The following OR9Q1 variants were observed in gnomAD, a reference collection of about 807,000 sequenced individuals.
OR9Q1 encodes olfactory receptor family 9 subfamily Q member 1.
For missense variants in OR9Q1, 374 were observed against 378.8 expected, an observed-to-expected ratio of 0.99 and a Z score of 0.11; for synonymous variants, 153 against 148.6, an observed-to-expected ratio of 1.03 and a Z score of -0.22.
At chr11:58,078,078 C>T (rs1302361342) in intron 2 of OR9Q1, 1 of 152,140 alleles carries the variant, frequency 6.6e-6, no homozygotes, top group African/African-American at 2.4e-5. Context: ...AAACGAGAAT[C>T]GCTTGAACCC....
At position 58,031,001 on chromosome 11, in the gene OR9Q1, A is replaced by T. The variant is rs144201457; in HGVS notation, c.-93+6897A>T. The T allele has an allele frequency of 2.4e-5, 38 of 1,614,110 alleles. No homozygotes were observed. The African/African-American group carries it at 3.2e-4, about 14-fold the overall frequency. ...GACCCAGGTAACTGAATTTGTCATG[A>T]TGGGCTTTGCTGGCATCCATGAAGC... On this transcript the variant is annotated intron_variant, in intron 1 of 2. Transcript: ENST00000335397.
intron 2 of OR9Q1, among the ~76,000 whole-genome samples, chr11:58,078,800 G>A (rs922540707): frequency 2.6e-5 from 4 of 152,086 alleles, no homozygotes; most frequent in African/African-American, 7.2e-5. Flanking sequence ...TGAAAACATC[G>A]AATGGAGCTG....
In OR9Q1 at chr11:58,091,111, T is replaced by G. The variant is rs1358056294; in HGVS notation, c.-15+35164T>G. 2.0e-5 allele frequency among the ~76,000 whole-genome samples: 3 copies of G among 152,118 alleles called. No homozygotes were observed. The East Asian group carries it at 5.8e-4, about 29-fold the overall frequency. On this transcript the variant is annotated intron_variant, in intron 2 of 2. Transcript: ENST00000335397. ...AAAAACAAGCTCCAGGATTCATTGA[T>G]TTTTTGAAGGGTTTTTTGTTTCTCT...
At chr11:58,078,250 A>G (rs1464156566) in intron 2 of OR9Q1, 1 of 152,238 alleles carries the variant, frequency 6.6e-6, no homozygotes, top group Non-Finnish European at 1.5e-5. Flanking sequence ...AGTGTGGGGC[A>G]GTGGGCTGCT....
intron 2 of OR9Q1, among the ~76,000 whole-genome samples, chr11:58,087,258 C>T (rs1853642281): frequency 6.6e-6 from 1 of 151,694 alleles, no homozygotes; most frequent in Non-Finnish European, 1.5e-5. Flanking sequence ...AATCAAGACT[C>T]AATACATCAT....
chr11:58,135,795 A>T (rs773630651), intron 2 of OR9Q1, among the ~76,000 whole-genome samples: 2 of 152,214 alleles, frequency 1.3e-5, no homozygotes, highest in African/African-American at 4.8e-5. Flanking sequence ...TTTTTGAGCT[A>T]TATAAATATT....
chr11:58,117,184 C>T (rs986484258), intron 2 of OR9Q1: 1 of 152,136 alleles, frequency 6.6e-6, no homozygotes, highest in Non-Finnish European at 1.5e-5. Flanking sequence ...CTGATTAGTG[C>T]TTGGCTATTT....
At chr11:58,079,972 C>T (rs184412241) in intron 2 of OR9Q1, among the ~76,000 whole-genome samples, 18 of 152,208 alleles carry the variant, frequency 1.2e-4, no homozygotes, top group Admixed American at 8.5e-4. Context: ...TTTTAAGTTA[C>T]GCAGCAAAGA....
chr11:58,070,836 T>A (rs1410715227), intron 2 of OR9Q1, among the ~76,000 whole-genome samples: 1 of 152,164 alleles, frequency 6.6e-6, no homozygotes, highest in Non-Finnish European at 1.5e-5. Flanking sequence ...GTAGGTTACT[T>A]TGTTTGTCCT....
rs752394927 is a variant in OR9Q1, at chr11:58,179,643, G to A, written c.199G>A (p.Ala67Thr). The change falls in exon 3 of 3, where the codon GCT (alanine) becomes ACT (threonine). Residue 67 changes from alanine (A) to threonine (T), a missense_variant. By Grantham distance (58) the Ala-to-Thr change is moderately conservative. Coordinates refer to ENST00000335397, the MANE Select transcript of OR9Q1 (RefSeq NM_001005212.4). ...AATGTATTTCCTTCTGAGTCACCTC[G>A]CTTTCATGGACGTCTGCTACTCATC... ...APMYFLLSHL[A>T]FMDVCYSSIT... is the part of the protein sequence containing the mutation. 6.2e-6 allele frequency: 10 copies of A among 1,613,078 alleles called. No individual in the cohort carries two copies. Among genetic ancestry groups the A allele is most frequent in the Non-Finnish European group, 6.8e-6 (8 of 1,179,264 alleles).
chr11:58,059,687 C>CAAAAAAAAAAAA (rs58893511), intron 2 of OR9Q1, among the ~76,000 whole-genome samples: 1 of 40,188 alleles, frequency 2.5e-5, no homozygotes, highest in Non-Finnish European at 4.2e-5. Context: ...GGCTCTGTCT[C>CAAAAAAAAAAAA]AAAAAAAAAA....
chr11:58,109,432 A>T (rs1410702052), intron 2 of OR9Q1: 1 of 460,274 alleles, frequency 2.2e-6, no homozygotes, highest in Non-Finnish European at 4.4e-6. Flanking sequence ...CTGAGGGGTG[A>T]TTACTGAGGC....
intron 2 of OR9Q1, among the ~76,000 whole-genome samples, chr11:58,156,010 T>A (rs2119910422): frequency 6.6e-6 from 1 of 151,280 alleles, no homozygotes; most frequent in East Asian, 2.0e-4. Flanking sequence ...ACCTCCCAGG[T>A]TAAACAATTC....
intron 1 of OR9Q1, among the ~76,000 whole-genome samples, chr11:58,033,605 G>C (rs1037360925): frequency 2.0e-5 from 3 of 152,162 alleles, no homozygotes; most frequent in Admixed American, 2.0e-4. Flanking sequence ...GACCTCAAAA[G>C]GAGGGAGAGA....
At chr11:58,157,396 G>A (rs1361301633) in intron 2 of OR9Q1, among the ~76,000 whole-genome samples, 2 of 152,260 alleles carry the variant, frequency 1.3e-5, no homozygotes, top group African/African-American at 4.8e-5. Flanking sequence ...ACATTTTTCA[G>A]TGATTAATAT....
chr11:58,040,625 C>CCCTT (rs1853152465), intron 1 of OR9Q1: 2 of 152,148 alleles, frequency 1.3e-5, no homozygotes, highest in African/African-American at 2.4e-5. Flanking sequence ...GTCTTCTCTC[C>CCCTT]CCTTGATAGA....
intron 1 of OR9Q1, among the ~76,000 whole-genome samples, chr11:58,034,837 C>CCTTCT (rs1853084963): frequency 7.0e-6 from 1 of 142,512 alleles, no homozygotes. Context: ...TTCCTTCCTT[C>CCTTCT]ATTTTTTTTT....
rs1478124329 is a variant in OR9Q1 at position 58,127,107 on chromosome 11, G to A, written c.-14-52324G>A. ...TAGGACTACAGGCATGTGCCACCAC[G>A]CCCAGCTTATTTTTGTAGTTTTAGT... On this transcript the variant is annotated intron_variant, in intron 2 of 2. Transcript: ENST00000335397. 2.6e-5 allele frequency among the ~76,000 whole-genome samples: 4 copies of A among 152,156 alleles called. No homozygotes were observed. The East Asian group carries it at 5.8e-4, about 22-fold the overall frequency.
At chr11:58,066,549 G>A (rs17537868) in intron 2 of OR9Q1, among the ~76,000 whole-genome samples, 11 of 152,064 alleles carry the variant, frequency 7.2e-5, no homozygotes, top group African/African-American at 2.4e-4. Context: ...TATCTTCAGC[G>A]TTCTCCAGGT....
Sources: gnomAD v4.1 joint callset for allele counts (sites outside exome capture counted in the v4.1 genomes callset) on GRCh38, gnomAD v4.1.1 for gene constraint, MANE v1.5 for transcripts, NCBI Gene and HGNC (gene_info 2026-07-23, HGNC 2026-07-21) for gene names.